Variants in SFI1 observed in about 807,000 individuals in gnomAD.
SFI1 encodes SFI1 centrin binding protein, also known as protein SFI1 homolog.
In SFI1, 195 loss-of-function variants were observed where a neutral mutation model predicts 207.5. The observed-to-expected ratio is 0.94, with a 90% CI of 0.84 to 1.06. SFI1 has a LOEUF of 1.06. SFI1 is among the 50% of genes least tolerant of loss of function. The pLI is 0.00. For missense variants in SFI1, 1,634 were observed against 1,588.0 expected, an observed-to-expected ratio of 1.03 and a Z score of -0.49; for synonymous variants, 630 against 598.9, an observed-to-expected ratio of 1.05 and a Z score of -0.76.
At chr22:31,516,551 C>T (rs934862612) in intron 2 of SFI1, among the ~76,000 whole-genome samples, 1 of 151,292 alleles carries the variant, frequency 6.6e-6, no homozygotes, top group Non-Finnish European at 1.5e-5. Flanking sequence ...GGCACAGTGG[C>T]TCAACCCCTG....
intron 8 of SFI1, among the ~76,000 whole-genome samples, chr22:31,571,477 T>G (rs946652141): frequency 8.0e-5 from 12 of 150,040 alleles, no homozygotes; most frequent in African/African-American, 3.0e-4. Context: ...CATGCCTGGC[T>G]AATTTTTTTT....
intron 4 of SFI1, among the ~76,000 whole-genome samples, chr22:31,544,914 T>G (rs1304825600): frequency 6.6e-6 from 1 of 152,102 alleles, no homozygotes; most frequent in African/African-American, 2.4e-5. Context: ...TTTTGATTGT[T>G]TAAGAGACAA....
At chr22:31,584,024 T>TA in intron 13 of SFI1, 52 bp downstream of exon 13, 1 of 1,477,596 alleles carries the variant, frequency 6.8e-7, no homozygotes, top group Non-Finnish European at 9.4e-7. Context: ...GCCTCTGACT[T>TA]ACTGTTTTCC....
At chr22:31,553,172 G>T (rs192350337) in intron 6 of SFI1, among the ~76,000 whole-genome samples, 20 of 152,296 alleles carry the variant, frequency 1.3e-4, no homozygotes, top group African/African-American at 4.6e-4. Flanking sequence ...GTTCTGACTA[G>T]TGTAAGATGA....
At chr22:31,600,820 G>C (rs2067978969) in intron 15 of SFI1, among the ~76,000 whole-genome samples, 1 of 152,248 alleles carries the variant, frequency 6.6e-6, no homozygotes, top group South Asian at 2.1e-4. Flanking sequence ...CCTGAAGACA[G>C]TTGCCATATG....
chr22:31,504,460 G>C (rs2054316657), intron 1 of SFI1, among the ~76,000 whole-genome samples: 1 of 152,078 alleles, frequency 6.6e-6, no homozygotes, highest in Non-Finnish European at 1.5e-5. Flanking sequence ...CATTCTTTTA[G>C]AATGAAACAA....
intron 4 of SFI1, among the ~76,000 whole-genome samples, chr22:31,545,737 T>G (rs959459957): frequency 3.3e-5 from 5 of 150,576 alleles, no homozygotes; most frequent in African/African-American, 1.2e-4. Flanking sequence ...TGCACCACCA[T>G]GCCTGGCTAA....
intron 7 of SFI1, 35 bp from the exon 8 acceptor site, chr22:31,561,255 C>G (rs773530778): frequency 1.3e-6 from 2 of 1,598,722 alleles, no homozygotes; most frequent in Non-Finnish European, 1.7e-6. Flanking sequence ...TGGCTTTTTA[C>G]TGATGGATTC....
intron 15 of SFI1, among the ~76,000 whole-genome samples, chr22:31,601,128 CTTTTTTTTTTT>C (rs11354377): frequency 1.2e-5 from 1 of 80,316 alleles, no homozygotes; most frequent in Non-Finnish European, 2.4e-5. Flanking sequence ...CTTTTCTTTA[CTTTTTTTTTTT>C]TTTTTTTTTT....
intron 29 of SFI1, chr22:31,615,558 T>G (rs1603371703): frequency 1.1e-5 from 4 of 363,586 alleles, no homozygotes; most frequent in Non-Finnish European, 2.0e-5. Context: ...GCAGATCACG[T>G]AGGGTCCTGC....
intron 4 of SFI1, among the ~76,000 whole-genome samples, chr22:31,537,339 G>A (rs534205308): frequency 3.3e-5 from 5 of 152,206 alleles, no homozygotes; most frequent in South Asian, 2.1e-4. Flanking sequence ...CTTTGTCACC[G>A]GCCACCTTTA....
At chr22:31,609,052 C>T (rs2069586938) in intron 22 of SFI1, among the ~76,000 whole-genome samples, 1 of 151,888 alleles carries the variant, frequency 6.6e-6, no homozygotes, top group Admixed American at 6.5e-5. Flanking sequence ...GGCTGGAGTG[C>T]AGTGGTGCGA....
intron 7 of SFI1, chr22:31,559,481 CTA>C: frequency 2.1e-6 from 1 of 482,300 alleles, no homozygotes; most frequent in Non-Finnish European, 3.9e-6. Context: ...TGTGTTCCTG[CTA>C]TGTCTCTAGT....
Position 31,585,108 on chromosome 22 carries a change from T to C in SFI1, c.1387T>C (p.Tyr463His), listed in dbSNP as rs376230898. The part of the protein sequence containing the change: ...LCKCIELWLQ[Y>H]TQKRRYKQLL... ...CAAATGTATCGAATTGTGGCTACAG[T>C]ATACTCAGAAGAGGCGGTACAAGCA... Residue 463 changes from tyrosine (Y) to histidine (H), a missense_variant, in exon 14 of 33, where the codon TAT becomes CAT. By Grantham distance (83) the Tyr-to-His change is moderately conservative (BLOSUM62 2). Coordinates refer to ENST00000400288, the MANE Select transcript of SFI1 (RefSeq NM_001007467.3). 21 of 1,614,088 alleles carry C rather than the reference T, an allele frequency of 1.3e-5. No individual in the cohort carries two copies. Among genetic ancestry groups the C allele is most frequent in the Non-Finnish European group, 1.7e-5 (20 of 1,179,970 alleles).
At position 31,613,432 on chromosome 22, in the gene SFI1, CA is replaced by C. The variant is rs771921004; in HGVS notation, c.2645del (p.Gln882ArgfsTer19). The part of the protein sequence containing the change: ...ARLQWALQAY[Q>X]GQLLQEGATR... ...GCTGCAGTGGGCGCTCCAGGCCTAC[CA>C]GGGGCAGCTCCTCCAGGAGGGTGCC... On this transcript the variant is annotated frameshift_variant, in exon 26 of 33. Transcript: ENST00000400288. LOFTEE classifies it high-confidence loss of function. The C allele has an allele frequency of 2.5e-6, 4 of 1,609,440 alleles. No individual in the cohort carries two copies. The highest frequency in any genetic ancestry group is 3.4e-6 in the Non-Finnish European group (4 of 1,179,780).
chr22:31,578,571 T>A, intron 11 of SFI1, 119 bp downstream of exon 11: 1 of 806,322 alleles, frequency 1.2e-6, no homozygotes, highest in Non-Finnish European at 1.9e-6. Flanking sequence ...TGAGTTTTGG[T>A]CATGAAGCCC....
intron 4 of SFI1, among the ~76,000 whole-genome samples, chr22:31,533,640 C>T (rs1338646283): frequency 6.6e-6 from 1 of 152,118 alleles, no homozygotes; most frequent in Non-Finnish European, 1.5e-5. Context: ...GATCATGTTA[C>T]TCCCTTGTTT....
intron 6 of SFI1, chr22:31,550,723 A>C (rs1160886992): frequency 3.9e-5 from 7 of 180,320 alleles, no homozygotes; most frequent in Non-Finnish European, 8.2e-5. Flanking sequence ...CTCTTTTCTG[A>C]TCTGCTTTGC....
At position 31,500,919 on chromosome 22, in the gene SFI1, CCTCCTGAGTAG is replaced by C. The variant is rs987458959; in HGVS notation, c.-31+4285_-31+4295del. Among the ~76,000 whole-genome samples, 3 of 151,600 alleles carry C rather than the reference CCTCCTGAGTAG, an allele frequency of 2.0e-5. No homozygotes were observed. The East Asian group carries it at 5.8e-4, about 29-fold the overall frequency. On this transcript the variant is annotated intron_variant, in intron 1 of 32. Transcript: ENST00000400288. Reference sequence around the variant, plus strand: ...GGTTCAAGCAATTCTCCTGCCTCAGCCTCCTGAGTAGCTGGGATTACAGGTGCCCACCACCA... The same window carrying C: ...GGTTCAAGCAATTCTCCTGCCTCAGCCTGGGATTACAGGTGCCCACCACCA...
Sources: allele counts gnomAD v4.1 joint callset (sites outside exome capture counted in the v4.1 genomes callset), GRCh38; gene constraint gnomAD v4.1.1; transcripts MANE v1.5; gene names NCBI Gene and HGNC (gene_info 2026-07-23, HGNC 2026-07-21).